ARMH3: variants seen among roughly 807,000 people sequenced by gnomAD.
ARMH3 encodes armadillo like helical domain containing 3.
In ARMH3, 60 loss-of-function variants were observed where a neutral mutation model predicts 99.1. The ratio of observed to expected loss-of-function variants is 0.61; its 90% CI spans 0.49 to 0.75. The LOEUF is 0.75. Ranked by LOEUF, ARMH3 falls within the 30% of genes least tolerant of loss-of-function variation. The probability of loss-of-function intolerance (pLI) is 0.00; values close to 1 mark genes in which losing one functional copy is unlikely to be tolerated. For missense variants in ARMH3, 679 were observed against 843.1 expected (o/e 0.81, Z 2.41); for synonymous variants, 285 against 292.8 (o/e 0.97, Z 0.27).
chr10:102,023,302 A>C (rs2066928808), intron 8 of ARMH3, among the ~76,000 whole-genome samples, 175 bp downstream of exon 8: 1 of 152,214 alleles, frequency 6.6e-6, no homozygotes, highest in Non-Finnish European at 1.5e-5. Context: ...CCTTTAAACA[A>C]CTAGATCCTC....
At chr10:101,857,289 C>A (rs1025919425) in intron 24 of ARMH3, among the ~76,000 whole-genome samples, 2 of 152,124 alleles carry the variant, frequency 1.3e-5, no homozygotes, top group Non-Finnish European at 2.9e-5. Flanking sequence ...GAAACGCCAT[C>A]TCTACTAAAA....
At chr10:101,881,810 C>A (rs866132122) in intron 24 of ARMH3, among the ~76,000 whole-genome samples, 1 of 152,286 alleles carries the variant, frequency 6.6e-6, no homozygotes, top group African/African-American at 2.4e-5. Context: ...ATTTTCTATT[C>A]TTTCTGTCCT....
chr10:101,882,567 T>G (rs372441455), intron 24 of ARMH3, among the ~76,000 whole-genome samples: 46 of 152,314 alleles, frequency 3.0e-4, no homozygotes, highest in East Asian at 1.7e-3. Context: ...TGGCACGATC[T>G]CGGCTCACTG....
chr10:101,861,888 A>T (rs1164512940), intron 24 of ARMH3, among the ~76,000 whole-genome samples: 1 of 148,932 alleles, frequency 6.7e-6, no homozygotes, highest in Non-Finnish European at 1.5e-5. Context: ...AAAAAAAAAA[A>T]AAAAAAAAAA....
At chr10:101,949,591 G>C (rs1409717827) in intron 22 of ARMH3, among the ~76,000 whole-genome samples, 1 of 151,936 alleles carries the variant, frequency 6.6e-6, no homozygotes, top group Non-Finnish European at 1.5e-5. Context: ...AATCTTCCAC[G>C]AAAGTAAACT....
At chr10:101,890,242 A>T (rs2067655794) in intron 23 of ARMH3, among the ~76,000 whole-genome samples, 1 of 149,586 alleles carries the variant, frequency 6.7e-6, no homozygotes, top group East Asian at 1.9e-4. Flanking sequence ...ATATATATAT[A>T]TTTATTTATA....
At chr10:101,896,917 C>A (rs2067852227) in intron 23 of ARMH3, among the ~76,000 whole-genome samples, 1 of 152,126 alleles carries the variant, frequency 6.6e-6, no homozygotes, top group Non-Finnish European at 1.5e-5. Context: ...TGAGAAGAGT[C>A]CAACTCATGG....
intron 8 of ARMH3, among the ~76,000 whole-genome samples, chr10:102,020,402 C>T (rs991905512): frequency 2.0e-5 from 3 of 151,912 alleles, no homozygotes; most frequent in African/African-American, 7.2e-5. Flanking sequence ...CACGGCCGGG[C>T]GCGGTGGCTC....
intron 13 of ARMH3, among the ~76,000 whole-genome samples, chr10:102,009,008 T>C (rs2066571431): frequency 6.6e-6 from 1 of 152,240 alleles, no homozygotes; most frequent in African/African-American, 2.4e-5. Context: ...TGGCCTATTT[T>C]ATCTCCAGTT....
rs1472565882 is a variant in ARMH3 at position 101,957,632 on chromosome 10, A to C, written c.1578+18T>G. ...AGCATATGGCTTCAGAAAAAGAAGT[A>C]TTTGTTTTGATACTCACCATAAGGG... On this transcript the variant is annotated intron_variant, in intron 21 of 25. Transcript: ENST00000370033. 5.0e-6 allele frequency: 8 copies of C among 1,595,720 alleles called. 1 individual carries two copies. The highest frequency in any genetic ancestry group is 1.8e-5 in the Admixed American group (1 of 56,906).
In ARMH3 at chr10:101,975,291, G is replaced by T; in HGVS notation, c.1416C>A (p.Ile472=). 6.2e-7 allele frequency: 1 copy of T among 1,612,344 alleles called. No individual in the cohort carries two copies. ...AGCAGAGCAGTTTGTGTACTACCTG[G>T]ATGCAGCGTCTGTAACAGGGAAAGC... ...EFPMDLYIRC[I]QVVHKLLCYQ... Residue 472 remains isoleucine (I), a synonymous_variant, in exon 20 of 26, where the codon ATC becomes ATA. Transcript: ENST00000370033.
In ARMH3 at chr10:101,973,372, A is replaced by C. The variant is rs934639609; in HGVS notation, c.1495+1840T>G. ...GAGACTCCGTCTCAAAAAAAAAAAA[A>C]AAAAAAGAAAAAAGATAATCGCTTG... On this transcript the variant is annotated intron_variant, in intron 20 of 25. Coordinates refer to ENST00000370033, the MANE Select transcript of ARMH3 (RefSeq NM_024541.3). Among the ~76,000 whole-genome samples, 31 of 152,080 alleles carry C rather than the reference A, an allele frequency of 2.0e-4. 1 individual carries two copies. The highest frequency in any genetic ancestry group is 7.5e-4 in the African/African-American group (31 of 41,530).
At chr10:101,944,326 A>AGAGAGT (rs1844418720) in intron 22 of ARMH3, among the ~76,000 whole-genome samples, 1 of 117,040 alleles carries the variant, frequency 8.5e-6, no homozygotes, top group Non-Finnish European at 1.7e-5. Flanking sequence ...AGAGAGAGAG[A>AGAGAGT]GAGTCCAAAC....
intron 8 of ARMH3, among the ~76,000 whole-genome samples, chr10:102,021,197 C>T (rs2136155516): frequency 6.6e-6 from 1 of 152,150 alleles, no homozygotes; most frequent in East Asian, 1.9e-4. Flanking sequence ...CCACCTCAGC[C>T]TCCTGAGTAG....
intron 15 of ARMH3, among the ~76,000 whole-genome samples, chr10:101,998,779 C>T (rs1219512850): frequency 6.6e-6 from 1 of 152,204 alleles, no homozygotes; most frequent in Non-Finnish European, 1.5e-5. Flanking sequence ...ACCTACCTAC[C>T]TCACTTGGCA....
intron 24 of ARMH3, among the ~76,000 whole-genome samples, chr10:101,864,072 AAAAAAAAC>A (rs1244403171): frequency 2.2e-5 from 3 of 134,550 alleles, no homozygotes; most frequent in Admixed American, 7.7e-5. Flanking sequence ...AAAAAAAAAA[AAAAAAAAC>A]ACACACACAC....
chr10:101,907,531 G>A (rs1253410214), intron 23 of ARMH3, among the ~76,000 whole-genome samples: 2 of 151,898 alleles, frequency 1.3e-5, no homozygotes, highest in East Asian at 1.9e-4. Flanking sequence ...ACAGGCATGC[G>A]CCACCACACC....
At chr10:102,015,700 T>C (rs576888275) in intron 8 of ARMH3, among the ~76,000 whole-genome samples, 4 of 152,234 alleles carry the variant, frequency 2.6e-5, no homozygotes, top group Admixed American at 2.6e-4. Context: ...TGTTTTAGGT[T>C]TTAATTGGGG....
chr10:102,033,510 C>T, intron 2 of ARMH3, 171 bp from the exon 3 acceptor site: 1 of 686,224 alleles, frequency 1.5e-6, no homozygotes, highest in East Asian at 2.9e-5. Context: ...CTCCGCCCCC[C>T]AGGGTTCACG....
Sources: allele counts gnomAD v4.1 joint callset (sites outside exome capture counted in the v4.1 genomes callset), GRCh38; gene constraint gnomAD v4.1.1; transcripts MANE v1.5; gene names NCBI Gene and HGNC (gene_info 2026-07-23, HGNC 2026-07-21).